FBN2: variants seen among roughly 807,000 people sequenced by gnomAD.
FBN2 encodes the protein fibrillin-2.
FBN2 carries 105 observed loss-of-function variants against 355.6 expected under a neutral mutation model. That is an observed-to-expected ratio of 0.30 (90% CI 0.25 to 0.35). The LOEUF is 0.35. FBN2 is among the 10% of genes least tolerant of loss of function. FBN2 has a pLI of 1.00. For synonymous variants in FBN2, 1,350 were observed against 1,301.2 expected (o/e 1.04, Z -0.81); for missense variants, 3,280 against 3,758.7 (o/e 0.87, Z 3.33).
chr5:128,503,546 G>C (rs539445654), intron 5 of FBN2, among the ~76,000 whole-genome samples: 4 of 152,286 alleles, frequency 2.6e-5, no homozygotes, highest in African/African-American at 4.8e-5. Context: ...TGAGGAACTT[G>C]TTGGGAACTG....
intron 4 of FBN2, among the ~76,000 whole-genome samples, chr5:128,525,057 G>A (rs915762904): frequency 1.4e-4 from 22 of 152,208 alleles, no homozygotes; most frequent in African/African-American, 4.8e-4. Context: ...CCACTAGAGC[G>A]TGTTCTGTAC....
chr5:128,265,609 C>A (rs1219438616), intron 62 of FBN2, among the ~76,000 whole-genome samples: 2 of 152,206 alleles, frequency 1.3e-5, no homozygotes, highest in East Asian at 1.9e-4. Context: ...CATAATTTTT[C>A]TTCATATGCA....
At chr5:128,422,296 T>C (rs552986342) in intron 7 of FBN2, among the ~76,000 whole-genome samples, 10 of 152,198 alleles carry the variant, frequency 6.6e-5, no homozygotes, top group African/African-American at 2.4e-4. Flanking sequence ...AGAAACAGAA[T>C]AAGCAAGAAC....
chr5:128,339,571 C>A (rs980820275), intron 25 of FBN2, among the ~76,000 whole-genome samples: 6 of 152,014 alleles, frequency 3.9e-5, no homozygotes, highest in Non-Finnish European at 8.8e-5. Flanking sequence ...GACAGAGGGA[C>A]AACCTGTCTC....
At chr5:128,293,596 T>C (rs1276891665) in intron 48 of FBN2, among the ~76,000 whole-genome samples, 3 of 152,098 alleles carry the variant, frequency 2.0e-5, no homozygotes, top group African/African-American at 7.2e-5. Flanking sequence ...ACTTAATAAA[T>C]AATAATATAT....
intron 61 of FBN2, 108 bp downstream of exon 61, chr5:128,273,732 T>C (rs1581179538): frequency 8.6e-7 from 1 of 1,158,006 alleles, no homozygotes; most frequent in East Asian, 2.5e-5. Flanking sequence ...CCTATTTTGT[T>C]CAATACTTTT....
chr5:128,484,194 G>T (rs1274440854), intron 5 of FBN2, among the ~76,000 whole-genome samples: 2 of 152,096 alleles, frequency 1.3e-5, no homozygotes, highest in Non-Finnish European at 2.9e-5. Flanking sequence ...TGATAACCAA[G>T]TCCTTCTAAG....
chr5:128,531,728 A>G (rs1756713245), intron 2 of FBN2, among the ~76,000 whole-genome samples: 2 of 150,122 alleles, frequency 1.3e-5, no homozygotes, highest in African/African-American at 2.4e-5. Context: ...GTGTGTATAT[A>G]TATATATATA....
intron 24 of FBN2, among the ~76,000 whole-genome samples, chr5:128,344,901 A>T (rs1280749222): frequency 6.6e-6 from 1 of 151,146 alleles, no homozygotes; most frequent in Non-Finnish European, 1.5e-5. Flanking sequence ...GGGTTTCACC[A>T]TGTTGGTCAG....
At chr5:128,489,078 T>C (rs531921762) in intron 5 of FBN2, among the ~76,000 whole-genome samples, 2 of 152,186 alleles carry the variant, frequency 1.3e-5, no homozygotes, top group African/African-American at 4.8e-5. Flanking sequence ...ATCGCCGCAC[T>C]GACTTCCACA....
intron 52 of FBN2, 107 bp from the exon 53 acceptor site, chr5:128,288,664 G>A: frequency 7.7e-7 from 1 of 1,292,428 alleles, no homozygotes; most frequent in Non-Finnish European, 1.1e-6. Flanking sequence ...TCTGAGAAGG[G>A]CACATGTAAC....
At chr5:128,291,130 G>C (rs558431349) in intron 49 of FBN2, among the ~76,000 whole-genome samples, 10 of 152,240 alleles carry the variant, frequency 6.6e-5, no homozygotes, top group African/African-American at 2.2e-4. Context: ...CAGTATCAAA[G>C]TGATTTCCAC....
chr5:128,537,537 C>T lies in FBN2; in HGVS notation c.67G>A (p.Ala23Thr), dbSNP rs893243344. Residue 23 changes from alanine (A) to threonine (T), a missense_variant, in exon 1 of 65, where the codon GCG (alanine) becomes ACG (threonine). By Grantham distance (58) the Ala-to-Thr change is moderately conservative. Around this residue, in one of 6 missense-constraint regions of FBN2, gnomAD observed 203 missense variants for 142.2 expected, o/e 1.43. Coordinates refer to ENST00000262464, the MANE Select transcript of FBN2 (RefSeq NM_001999.4). ...FLWLGCVVLW[A>T]QGTAGQPQPP... ...TGAGGCTGGCCGGCCGTGCCCTGCGCCCAGAGCACCACACAGCCCAGCCAC... is the reference window on the plus strand; with the variant it reads ...TGAGGCTGGCCGGCCGTGCCCTGCGTCCAGAGCACCACACAGCCCAGCCAC... The T allele has an allele frequency of 2.5e-6, 4 of 1,592,518 alleles. No individual in the cohort carries two copies. In the Admixed American group the frequency reaches 5.2e-5, roughly 21 times the overall value.
At chr5:128,471,665 ACT>A (rs1754863406) in intron 5 of FBN2, among the ~76,000 whole-genome samples, 1 of 151,960 alleles carries the variant, frequency 6.6e-6, no homozygotes, top group Non-Finnish European at 1.5e-5. Context: ...AACAAAAAAA[ACT>A]CTTTTTAATG....
Position 128,303,854 on chromosome 5 carries a change from C to A in FBN2, c.5801-765G>T, listed in dbSNP as rs1749788316. Among the ~76,000 whole-genome samples the A allele has an allele frequency of 2.6e-5, 4 of 152,132 alleles. No homozygotes were observed. The South Asian group carries it at 6.2e-4, about 24-fold the overall frequency. Reference sequence around the variant, plus strand: ...TCATATTTTTTTTTGGTAAATCATACTCTCTCTGGGAGTACAGCAAGAAGA... The same window carrying A: ...TCATATTTTTTTTTGGTAAATCATAATCTCTCTGGGAGTACAGCAAGAAGA... On this transcript the variant is annotated intron_variant, in intron 45 of 64. Coordinates refer to ENST00000262464, the MANE Select transcript of FBN2 (RefSeq NM_001999.4).
chr5:128,451,236 AAG>A (rs1409390106), intron 6 of FBN2, among the ~76,000 whole-genome samples: 1 of 152,182 alleles, frequency 6.6e-6, no homozygotes, highest in Non-Finnish European at 1.5e-5. Context: ...CTAATTACAA[AAG>A]TCCAAAGTAT....
chr5:128,444,308 A>G (rs1052168778), intron 7 of FBN2, among the ~76,000 whole-genome samples: 11 of 151,320 alleles, frequency 7.3e-5, no homozygotes, highest in African/African-American at 2.7e-4. Context: ...TCCTGACCTC[A>G]AGATCCACCC....
At chr5:128,424,030 C>A (rs1055399427) in intron 7 of FBN2, among the ~76,000 whole-genome samples, 1 of 152,002 alleles carries the variant, frequency 6.6e-6, no homozygotes, top group Non-Finnish European at 1.5e-5. Flanking sequence ...TCATGATGAA[C>A]GTGAGAAATG....
chr5:128,338,797 A>T, intron 26 of FBN2, 136 bp downstream of exon 26: 1 of 1,044,482 alleles, frequency 9.6e-7, no homozygotes, highest in Non-Finnish European at 1.5e-6. Context: ...TCTGACATTT[A>T]AATCTCTTCT....
Sources: allele counts gnomAD v4.1 joint callset (sites outside exome capture counted in the v4.1 genomes callset), GRCh38; gene constraint gnomAD v4.1.1; regional missense constraint gnomAD v4.1.1; transcripts MANE v1.5; gene names NCBI Gene and HGNC (gene_info 2026-07-23, HGNC 2026-07-21).